Variants in DNMT1 observed in about 807,000 individuals in gnomAD.
The protein encoded by DNMT1 is DNA methyltransferase 1, also known as DNA (cytosine-5)-methyltransferase 1.
DNMT1 carries 24 observed loss-of-function variants against 205.3 expected under a neutral mutation model. That is an observed-to-expected ratio of 0.12 (90% CI 0.08 to 0.16). DNMT1 has a LOEUF of 0.16. Ranked by LOEUF, DNMT1 falls within the 10% of genes least tolerant of loss-of-function variation. DNMT1 has a pLI of 1.00. For missense variants in DNMT1, 1,293 were observed against 2,177.7 expected, an observed-to-expected ratio of 0.59 and a Z score of 8.09; for synonymous variants, 817 against 839.8, an observed-to-expected ratio of 0.97 and a Z score of 0.47.
intron 1 of DNMT1, chr19:10,184,299 T>A (rs1206468949): frequency 6.6e-6 from 1 of 152,004 alleles, no homozygotes; most frequent in African/African-American, 2.4e-5. Flanking sequence ...GAGTCAAGCA[T>A]CCAGGGAAGC....
chr19:10,140,661 C>T lies in DNMT1; in HGVS notation c.3523+120G>A. ...GGGATTACAGGCGTGCGCCACCGTG[C>T]CTGGCCTCGGAAGGAGATTCTTGAG... On this transcript the variant is annotated intron_variant, in intron 32 of 40. Transcript: ENST00000359526. The surrounding 1 kb of genome is among the most constrained non-coding windows in gnomAD (Gnocchi z 8.4). 1.3e-6 allele frequency: 2 copies of T among 1,569,806 alleles called. No individual in the cohort carries two copies. Among genetic ancestry groups the T allele is most frequent in the South Asian group, 1.1e-5 (1 of 89,504 alleles).
rs772109990 is a variant in DNMT1, at chr19:10,155,820, C to T, written c.1492+33G>A. 3.7e-6 allele frequency: 6 copies of T among 1,601,824 alleles called. No individual in the cohort carries two copies. In the African/African-American group the frequency reaches 6.7e-5, roughly 18 times the overall value. The stretch of plus-strand genomic sequence containing the variant: ...GGAGAACATGAAGGCCCCTTTCAGA[C>T]CCCGGCCAGCCTATGATGGGCCACA... On this transcript the variant is annotated intron_variant, in intron 19 of 40. Transcript: ENST00000359526.
At chr19:10,173,784 G>A (rs1322164958) in intron 8 of DNMT1, 87 bp downstream of exon 8, 1 of 1,462,050 alleles carries the variant, frequency 6.8e-7, no homozygotes, top group East Asian at 2.3e-5. Context: ...GAGTCACCGT[G>A]CCCGGCCTTA....
At chr19:10,174,661 C>A (rs767508621) in intron 7 of DNMT1, among the ~76,000 whole-genome samples, 1 of 150,510 alleles carries the variant, frequency 6.6e-6, no homozygotes, top group Non-Finnish European at 1.5e-5. Context: ...GAGCTGAGAT[C>A]GTGCCACTGC....
intron 39 of DNMT1, among the ~76,000 whole-genome samples, chr19:10,135,212 C>CAAAA (rs34374135): frequency 2.8e-5 from 3 of 108,508 alleles, no homozygotes; most frequent in Non-Finnish European, 3.8e-5. Context: ...AGCTCCATCT[C>CAAAA]AAAAAAAAAA....
Position 10,156,933 on chromosome 19 carries a change from G to T in DNMT1, c.1281-424C>A, listed in dbSNP as rs2038468681. Among the ~76,000 whole-genome samples, 2 of 151,970 alleles carry T rather than the reference G, an allele frequency of 1.3e-5. No individual in the cohort carries two copies. Among genetic ancestry groups the T allele is most frequent in the African/African-American group, 4.8e-5 (2 of 41,376 alleles). ...TGCCTGGCCCCGACACTCATTTTTTGGTTGCGGGAACACTGGATTAAGACA... is the reference window on the plus strand; with the variant it reads ...TGCCTGGCCCCGACACTCATTTTTTTGTTGCGGGAACACTGGATTAAGACA... On this transcript the variant is annotated intron_variant, in intron 17 of 40. Transcript: ENST00000359526. The surrounding 1 kb of genome is among the most constrained non-coding windows in gnomAD (Gnocchi z 4.2).
intron 5 of DNMT1, among the ~76,000 whole-genome samples, chr19:10,179,697 G>A (rs959432042): frequency 6.6e-6 from 1 of 151,954 alleles, no homozygotes; most frequent in Non-Finnish European, 1.5e-5. Flanking sequence ...GGTTGAAAAT[G>A]AGCCAAGTGG....
At chr19:10,147,316 A>G (rs1465857128) in intron 27 of DNMT1, among the ~76,000 whole-genome samples, 1 of 151,960 alleles carries the variant, frequency 6.6e-6, no homozygotes, top group Non-Finnish European at 1.5e-5. Flanking sequence ...GTGATAAATA[A>G]ATAAGTAAAT....
chr19:10,192,831 G>A (rs2039327819), intron 1 of DNMT1, among the ~76,000 whole-genome samples: 1 of 151,912 alleles, frequency 6.6e-6, no homozygotes, highest in African/African-American at 2.4e-5. Flanking sequence ...GGTGGATCAC[G>A]AGGTCAGGAG....
At position 10,144,001 on chromosome 19, in the gene DNMT1, C is replaced by T; in HGVS notation, c.2895-14G>A. 1 of 1,612,966 alleles carries T rather than the reference C, an allele frequency of 6.2e-7. No homozygotes were observed. Among genetic ancestry groups the T allele is most frequent in the Non-Finnish European group, 8.5e-7 (1 of 1,179,578 alleles). On this transcript the variant is annotated splice_polypyrimidine_tract_variant and intron_variant, in intron 28 of 40. Transcript: ENST00000359526. ...GACAGCTTGATGCTGCAGAGAAGCA[C>T]CCACTTGACATCAATGAACCTTCCA...
intron 11 of DNMT1, among the ~76,000 whole-genome samples, chr19:10,164,734 C>G (rs909872504): frequency 2.0e-5 from 3 of 151,500 alleles, no homozygotes; most frequent in African/African-American, 7.3e-5. Flanking sequence ...TAGAGACCAG[C>G]CTGGCCAACA....
In DNMT1 at chr19:10,160,765, T is replaced by C. The variant is rs573866495; in HGVS notation, c.1009-347A>G. Among the ~76,000 whole-genome samples the C allele has an allele frequency of 1.6e-4, 25 of 152,302 alleles. No individual in the cohort carries two copies. In the South Asian group the frequency reaches 3.1e-3, roughly 19 times the overall value. ...CAAAGATTAGCCAGGCGGGCACTTG[T>C]AATCTCAGATACTCAGAAGGCTGAG... On this transcript the variant is annotated intron_variant, in intron 13 of 40. Transcript: ENST00000359526.
intron 1 of DNMT1, among the ~76,000 whole-genome samples, chr19:10,186,551 A>G (rs1376876691): frequency 6.6e-6 from 1 of 151,872 alleles, no homozygotes; most frequent in Non-Finnish European, 1.5e-5. Context: ...ATATATATAA[A>G]CAGCTGGCCA....
chr19:10,164,461 A>G (rs1215077305), intron 11 of DNMT1, among the ~76,000 whole-genome samples: 3 of 152,132 alleles, frequency 2.0e-5, no homozygotes, highest in Non-Finnish European at 2.9e-5. Flanking sequence ...ATAAGTTTAA[A>G]AAGTAGACAT....
At chr19:10,174,316 T>G (rs1412324963) in intron 7 of DNMT1, among the ~76,000 whole-genome samples, 1 of 151,568 alleles carries the variant, frequency 6.6e-6, no homozygotes, top group Non-Finnish European at 1.5e-5. Flanking sequence ...CTTGGGAGGG[T>G]GAGGTGGGAG....
intron 9 of DNMT1, among the ~76,000 whole-genome samples, chr19:10,172,272 G>A (rs1398360900): frequency 1.3e-5 from 2 of 150,760 alleles, no homozygotes; most frequent in Non-Finnish European, 3.0e-5. Context: ...AAAATTATCT[G>A]GCTGTGGTGG....
intron 1 of DNMT1, among the ~76,000 whole-genome samples, chr19:10,187,423 C>A (rs903333960): frequency 2.0e-5 from 3 of 151,812 alleles, no homozygotes; most frequent in Non-Finnish European, 4.4e-5. Context: ...GGCAACAGAG[C>A]GAGACCCTGT....
At position 10,166,698 on chromosome 19, in the gene DNMT1, A is replaced by G; in HGVS notation, c.804-13T>C. 6.2e-7 allele frequency: 1 copy of G among 1,614,012 alleles called. No homozygotes were observed. Among genetic ancestry groups the G allele is most frequent in the Non-Finnish European group, 8.5e-7 (1 of 1,179,954 alleles). On this transcript the variant is annotated splice_polypyrimidine_tract_variant and intron_variant, in intron 10 of 40. Coordinates refer to ENST00000359526, the MANE Select transcript of DNMT1 (RefSeq NM_001130823.3). ...CTGTTTGGGTGTTCTGTCACAGAAG[A>G]CAACACACACACAGGCTGGTCAGCT... is the stretch of plus-strand genomic sequence containing the variant.
Position 10,194,914 on chromosome 19 carries a change from C to T in DNMT1, c.-15G>A. ...CGCGCCGGCATCTCGGAGGCTTCAG[C>T]AGACGCGGCGGCGGCAGCGCAGGCG... is the stretch of plus-strand genomic sequence containing the variant. On this transcript the variant is annotated 5_prime_UTR_variant, in exon 1 of 41. Coordinates refer to ENST00000359526, the MANE Select transcript of DNMT1 (RefSeq NM_001130823.3). 8.1e-6 allele frequency: 13 copies of T among 1,601,228 alleles called. No homozygotes were observed. The highest frequency in any genetic ancestry group is 1.0e-5 in the Non-Finnish European group (12 of 1,173,770).
Sources: allele counts gnomAD v4.1 joint callset (sites outside exome capture counted in the v4.1 genomes callset), GRCh38; gene constraint gnomAD v4.1.1; non-coding constraint Gnocchi (gnomAD v3.1); transcripts MANE v1.5; gene names NCBI Gene and HGNC (gene_info 2026-07-23, HGNC 2026-07-21).